BCAS3: variants seen among roughly 807,000 people sequenced by gnomAD.
BCAS3 encodes the protein BCAS3 microtubule associated cell migration factor.
BCAS3 carries 53 observed loss-of-function variants against 116.1 expected under a neutral mutation model. The ratio of observed to expected loss-of-function variants is 0.46; its 90% CI spans 0.37 to 0.57. The LOEUF is 0.57. Ranked by LOEUF, BCAS3 falls within the 20% of genes least tolerant of loss-of-function variation. BCAS3 has a pLI of 0.00. For synonymous variants in BCAS3, 391 were observed against 408.2 expected (o/e 0.96, Z 0.51); for missense variants, 917 against 1,165.4 (o/e 0.79, Z 3.10).
chr17:61,142,233 G>C (rs933552847), intron 22 of BCAS3, among the ~76,000 whole-genome samples: 1 of 152,120 alleles, frequency 6.6e-6, no homozygotes, highest in Non-Finnish European at 1.5e-5. Context: ...GACTTAAAAA[G>C]GTTATTTGCC....
At chr17:60,707,759 A>G (rs2037354924) in intron 4 of BCAS3, among the ~76,000 whole-genome samples, 1 of 152,162 alleles carries the variant, frequency 6.6e-6, no homozygotes, top group Non-Finnish European at 1.5e-5. Context: ...TGAAATGATC[A>G]TATGATTTTT....
At chr17:61,078,736 T>G (rs1475601952) in intron 21 of BCAS3, among the ~76,000 whole-genome samples, 1 of 152,254 alleles carries the variant, frequency 6.6e-6, no homozygotes, top group East Asian at 1.9e-4. Flanking sequence ...ATACTTGCTT[T>G]TCAGATTATA....
At position 61,075,151 on chromosome 17, in the gene BCAS3, C is replaced by A; in HGVS notation, c.2130+131C>A. 7.4e-6 allele frequency: 5 copies of A among 674,252 alleles called. No individual in the cohort carries two copies. In the South Asian group the frequency reaches 1.1e-4, roughly 14 times the overall value. 41.8% of individuals were successfully genotyped at this position (674,252 alleles called of 1,614,324 possible). A position where few individuals can be genotyped will look rare whatever the true frequency, so the allele number is the denominator to read the frequency against. On this transcript the variant is annotated intron_variant, in intron 20 of 23. Transcript: ENST00000407086. ...GGATTATCAAGAATTAGTTGTCTTT[C>A]CATATTACAAATTACTCCACAAATA...
At chr17:61,264,992 G>A (rs1225020554) in intron 22 of BCAS3, among the ~76,000 whole-genome samples, 1 of 152,218 alleles carries the variant, frequency 6.6e-6, no homozygotes, top group East Asian at 1.9e-4. Context: ...TGTGGTCTTT[G>A]GAGGCAGACA....
intron 22 of BCAS3, among the ~76,000 whole-genome samples, chr17:61,182,175 T>G (rs1462393483): frequency 6.6e-6 from 1 of 152,196 alleles, no homozygotes; most frequent in Non-Finnish European, 1.5e-5. Context: ...TATGTGGCCA[T>G]TGCTTTATGC....
At chr17:61,108,196 C>G (rs2074800565) in intron 22 of BCAS3, among the ~76,000 whole-genome samples, 1 of 152,154 alleles carries the variant, frequency 6.6e-6, no homozygotes, top group Non-Finnish European at 1.5e-5. Flanking sequence ...TTTCTTTTCT[C>G]TAAAGTCTAC....
At chr17:61,197,718 A>G (rs1239448858) in intron 22 of BCAS3, among the ~76,000 whole-genome samples, 1 of 152,238 alleles carries the variant, frequency 6.6e-6, no homozygotes, top group East Asian at 1.9e-4. Flanking sequence ...GAGAAAGAAT[A>G]GTGCCAAGCC....
chr17:60,789,342 T>G (rs1018289125), intron 6 of BCAS3, among the ~76,000 whole-genome samples: 1 of 152,116 alleles, frequency 6.6e-6, no homozygotes, highest in Non-Finnish European at 1.5e-5. Flanking sequence ...TTTACAATGG[T>G]GTGTGTGGTG....
At position 61,309,910 on chromosome 17, in the gene BCAS3, G is replaced by A. The variant is rs1167131586; in HGVS notation, c.2426-58417G>A. Among the ~76,000 whole-genome samples, 1 of 152,140 alleles carries A rather than the reference G, an allele frequency of 6.6e-6. No homozygotes were observed. The highest frequency in any genetic ancestry group is 2.4e-5 in the African/African-American group (1 of 41,428). On this transcript the variant is annotated intron_variant, in intron 22 of 23. Coordinates refer to ENST00000407086, the MANE Select transcript of BCAS3 (RefSeq NM_017679.5). This position sits in a 1 kb window ranked among gnomAD's most constrained non-coding sequence, Gnocchi z 4.6. ...GCAAATGTAGTTAAAAGATGAAGGGGGAAAATGAAGGGAAACGCTTATGCT... is the reference window on the plus strand; with the variant it reads ...GCAAATGTAGTTAAAAGATGAAGGGAGAAAATGAAGGGAAACGCTTATGCT...
rs894396186 is a variant in BCAS3, at chr17:61,083,379, A to C, written c.2328-1088A>C. Among the ~76,000 whole-genome samples the C allele has an allele frequency of 3.3e-5, 5 of 152,156 alleles. No homozygotes were observed. Among genetic ancestry groups the C allele is most frequent in the Non-Finnish European group, 7.3e-5 (5 of 68,038 alleles). ...TTATGTTTTGTTTCTGCTTGTTCTC[A>C]GAGTAATGCCTACAAGCAATTAATA... On this transcript the variant is annotated intron_variant, in intron 21 of 23. Coordinates refer to ENST00000407086, the MANE Select transcript of BCAS3 (RefSeq NM_017679.5). The surrounding 1 kb of genome is among the most constrained non-coding windows in gnomAD (Gnocchi z 4.9).
chr17:61,329,325 GTTATTA>G (rs201735697), intron 22 of BCAS3, among the ~76,000 whole-genome samples: 52 of 143,988 alleles, frequency 3.6e-4, no homozygotes, highest in South Asian at 4.4e-4. Flanking sequence ...TCCAGGCCAT[GTTATTA>G]TTATTATTAT....
At position 60,857,393 on chromosome 17, in the gene BCAS3, GC is replaced by G. The variant is rs1448905112; in HGVS notation, c.477-11179del. ...TATTAGGTTTACCTTTAAGGTCATA[GC>G]CCCATGTTTAAATGTCAAACACAAT... On this transcript the variant is annotated intron_variant, in intron 7 of 23. Coordinates refer to ENST00000407086, the MANE Select transcript of BCAS3 (RefSeq NM_017679.5). Among the ~76,000 whole-genome samples, 7 of 152,088 alleles carry G rather than the reference GC, an allele frequency of 4.6e-5. 1 individual carries two copies. The highest frequency in any genetic ancestry group is 2.1e-4 in the South Asian group (1 of 4,826).
chr17:60,978,007 G>A (rs952034859), intron 14 of BCAS3, among the ~76,000 whole-genome samples: 5 of 139,978 alleles, frequency 3.6e-5, no homozygotes, highest in Admixed American at 3.4e-4. Flanking sequence ...AGTCCTTTGG[G>A]TATATACCCA....
chr17:61,369,180 C>G (rs3785841), intron 23 of BCAS3, among the ~76,000 whole-genome samples: 91,273 of 151,932 alleles, frequency 0.6, 30,963 homozygotes, highest in Non-Finnish European at 0.78. Flanking sequence ...CTCTTCTTTC[C>G]AAAACCCTTC....
At chr17:61,168,873 A>C (rs1026076053) in intron 22 of BCAS3, among the ~76,000 whole-genome samples, 2 of 152,184 alleles carry the variant, frequency 1.3e-5, no homozygotes, top group African/African-American at 2.4e-5. Flanking sequence ...AGGATGCTGA[A>C]ATGTCTAGAG....
chr17:61,137,042 A>T (rs1381748724), intron 22 of BCAS3, among the ~76,000 whole-genome samples: 1 of 152,228 alleles, frequency 6.6e-6, no homozygotes, highest in African/African-American at 2.4e-5. Context: ...ACTATTAGTT[A>T]TTATTAGTGG....
At chr17:60,925,976 T>C (rs1165073988) in intron 13 of BCAS3, among the ~76,000 whole-genome samples, 5 of 152,198 alleles carry the variant, frequency 3.3e-5, no homozygotes, top group Non-Finnish European at 7.4e-5. Context: ...GGTGATTTTG[T>C]ACAATATTTT....
At position 61,300,538 on chromosome 17, in the gene BCAS3, C is replaced by T. The variant is rs533913887; in HGVS notation, c.2426-67789C>T. 9.5e-4 allele frequency among the ~76,000 whole-genome samples: 145 copies of T among 152,068 alleles called. No homozygotes were observed. Among genetic ancestry groups the T allele is most frequent in the Non-Finnish European group, 1.7e-3 (113 of 67,994 alleles). On this transcript the variant is annotated intron_variant, in intron 22 of 23. Coordinates refer to ENST00000407086, the MANE Select transcript of BCAS3 (RefSeq NM_017679.5). The surrounding 1 kb of genome is among the most constrained non-coding windows in gnomAD (Gnocchi z 5.1). ...TTAGAAAAAATGTATGGCATCTTGACGCAGTGTTCCTGGCCAAAAAAGAAA... is the reference window on the plus strand; with the variant it reads ...TTAGAAAAAATGTATGGCATCTTGATGCAGTGTTCCTGGCCAAAAAAGAAA...
Position 61,188,162 on chromosome 17 carries a change from A to G in BCAS3, c.2425+103598A>G, listed in dbSNP as rs913513059. On this transcript the variant is annotated intron_variant, in intron 22 of 23. Transcript: ENST00000407086. This position sits in a 1 kb window ranked among gnomAD's most constrained non-coding sequence, Gnocchi z 4.0. ...GGATTTCAGGGATGTCTTCACCCCT[A>G]AAACAATCTCTCCTTGCTATTCTCG... Among the ~76,000 whole-genome samples the G allele has an allele frequency of 2.6e-5, 4 of 151,942 alleles. No homozygotes were observed. Among genetic ancestry groups the G allele is most frequent in the Admixed American group, 6.5e-5 (1 of 15,278 alleles).
Sources: gnomAD v4.1 joint callset for allele counts (sites outside exome capture counted in the v4.1 genomes callset) on GRCh38, gnomAD v4.1.1 for gene constraint, Gnocchi (gnomAD v3.1) non-coding constraint, MANE v1.5 for transcripts, NCBI Gene and HGNC (gene_info 2026-07-23, HGNC 2026-07-21) for gene names.